PPIG: variants seen among roughly 807,000 people sequenced by gnomAD.
The protein encoded by PPIG is peptidyl-prolyl cis-trans isomerase G.
In PPIG, 26 loss-of-function variants were observed where a neutral mutation model predicts 87.9. The ratio of observed to expected loss-of-function variants is 0.30; its 90% CI spans 0.22 to 0.41. The LOEUF is 0.41. Among genes scored for constraint, PPIG ranks in the 10% least tolerant of loss-of-function variants. PPIG has a pLI of 1.00. For synonymous variants in PPIG, 308 were observed against 276.5 expected (o/e 1.11, Z -1.13); for missense variants, 722 against 879.4 (o/e 0.82, Z 2.26).
rs747678041 is a variant in PPIG, at chr2:169,604,015, T to G, written c.-16-11T>G. 1 of 1,606,442 alleles carries G rather than the reference T, an allele frequency of 6.2e-7. No individual in the cohort carries two copies. The highest frequency in any genetic ancestry group is 8.5e-7 in the Non-Finnish European group (1 of 1,174,302). On this transcript the variant is annotated splice_polypyrimidine_tract_variant and intron_variant, in intron 2 of 13. Transcript: ENST00000260970. ...TTAGTCTGCTTGTCTGAAACTGTAT[T>G]TTACTCACAGATTAAGTATTGGAGC... is the stretch of plus-strand genomic sequence containing the variant.
chr2:169,591,576 A>G (rs1684863272), intron 1 of PPIG, among the ~76,000 whole-genome samples: 1 of 152,130 alleles, frequency 6.6e-6, no homozygotes, highest in Non-Finnish European at 1.5e-5. Flanking sequence ...ATTATGATGA[A>G]AAAAGTAGAT....
Position 169,604,688 on chromosome 2 carries a change from A to G in PPIG, c.136+427A>G, listed in dbSNP as rs376807342. ...CAGGAGTTCCAGACGAGCCTGGCCA[A>G]GATGGTGAAACCCCATCTCTACTAA... On this transcript the variant is annotated intron_variant, in intron 4 of 13. Coordinates refer to ENST00000260970, the MANE Select transcript of PPIG (RefSeq NM_004792.3). Among the ~76,000 whole-genome samples the G allele has an allele frequency of 1.8e-4, 27 of 151,090 alleles. No individual in the cohort carries two copies. In the East Asian group the frequency reaches 4.5e-3, roughly 25 times the overall value.
chr2:169,619,964 A>G (rs531797944), intron 9 of PPIG, among the ~76,000 whole-genome samples: 67 of 152,166 alleles, frequency 4.4e-4, no homozygotes, highest in Non-Finnish European at 1.9e-4. Context: ...CATTCCTTAT[A>G]TATTTTGGAT....
At chr2:169,607,275 A>G (rs1380114565) in intron 6 of PPIG, 127 bp downstream of exon 6, 1 of 557,100 alleles carries the variant, frequency 1.8e-6, no homozygotes, top group Non-Finnish European at 3.0e-6. Flanking sequence ...AACTAATCTG[A>G]AGGTTAATTT....
chr2:169,597,080 A>G (rs958182288), intron 1 of PPIG, among the ~76,000 whole-genome samples: 11 of 152,210 alleles, frequency 7.2e-5, no homozygotes, highest in Admixed American at 4.6e-4. Flanking sequence ...TAGTGCTGCA[A>G]TAAACATAGG....
At chr2:169,613,362 C>A (rs1685539529) in intron 7 of PPIG, among the ~76,000 whole-genome samples, 1 of 152,046 alleles carries the variant, frequency 6.6e-6, no homozygotes. Flanking sequence ...CATGCTTTCA[C>A]CAAAGATTAG....
intron 1 of PPIG, among the ~76,000 whole-genome samples, chr2:169,597,443 G>A (rs958449989): frequency 3.3e-5 from 5 of 151,422 alleles, no homozygotes; most frequent in East Asian, 1.9e-4. Context: ...GCAGGTGCAC[G>A]TCACCATGCC....
intron 6 of PPIG, among the ~76,000 whole-genome samples, chr2:169,607,702 G>A (rs1355829126): frequency 6.6e-6 from 1 of 152,114 alleles, no homozygotes; most frequent in Non-Finnish European, 1.5e-5. Context: ...TACATGATTT[G>A]TTCTTAATAT....
chr2:169,604,327 GTTTTTTTTTTTTTTTTTTT>G, intron 4 of PPIG, 66 bp downstream of exon 4: 1 of 344,820 alleles, frequency 2.9e-6, no homozygotes, highest in East Asian at 5.2e-5. Context: ...TGCTTGCTTG[GTTTTTTTTTTTTTTTTTTT>G]TTTTTTTTTG....
intron 1 of PPIG, among the ~76,000 whole-genome samples, chr2:169,596,709 T>C (rs1228637860): frequency 6.6e-6 from 1 of 152,166 alleles, no homozygotes; most frequent in Admixed American, 6.5e-5. Flanking sequence ...CTGGTCCATT[T>C]TTTTTTCTGA....
chr2:169,599,521 G>A (rs955242886), intron 1 of PPIG, among the ~76,000 whole-genome samples: 1 of 151,966 alleles, frequency 6.6e-6, no homozygotes, highest in Non-Finnish European at 1.5e-5. Context: ...AGATATTCCA[G>A]TACATAGAAT....
chr2:169,585,618 C>A (rs1229066530), intron 1 of PPIG, among the ~76,000 whole-genome samples: 2 of 152,100 alleles, frequency 1.3e-5, no homozygotes, highest in South Asian at 2.1e-4. Flanking sequence ...TATGCACAAT[C>A]GTTTTGGAAA....
At chr2:169,604,291 GTAGTC>G in intron 4 of PPIG, 30 bp downstream of exon 4, 1 of 1,141,092 alleles carries the variant, frequency 8.8e-7, no homozygotes, top group Non-Finnish European at 1.3e-6. Context: ...TGCCCTAATA[GTAGTC>G]TCAGTTGACT....
intron 9 of PPIG, among the ~76,000 whole-genome samples, chr2:169,624,657 G>C (rs969845572): frequency 6.6e-6 from 1 of 152,036 alleles, no homozygotes; most frequent in Non-Finnish European, 1.5e-5. Flanking sequence ...GTGCGTTCTC[G>C]GCTCACTGCA....
chr2:169,589,909 A>G (rs1684812661), intron 1 of PPIG, among the ~76,000 whole-genome samples: 1 of 152,090 alleles, frequency 6.6e-6, no homozygotes, highest in African/African-American at 2.4e-5. Context: ...TGGGAGTTTG[A>G]GACCAGTCTG....
chr2:169,619,454 A>G (rs1009550286), intron 9 of PPIG, among the ~76,000 whole-genome samples: 1 of 152,138 alleles, frequency 6.6e-6, no homozygotes, highest in Non-Finnish European at 1.5e-5. Context: ...TGATCTGTCT[A>G]ATATTGACAG....
chr2:169,635,354 C>T (rs538225248), intron 12 of PPIG, among the ~76,000 whole-genome samples: 9 of 152,184 alleles, frequency 5.9e-5, no homozygotes, highest in Non-Finnish European at 1.2e-4. Flanking sequence ...TAGATTTGGC[C>T]ATGTTTGGTC....
chr2:169,622,068 A>G (rs1355666387), intron 9 of PPIG, among the ~76,000 whole-genome samples: 2 of 152,190 alleles, frequency 1.3e-5, no homozygotes, highest in African/African-American at 2.4e-5. Context: ...TAAAAAATAT[A>G]TAAATAAATA....
chr2:169,621,127 T>G (rs1685736353), intron 9 of PPIG, among the ~76,000 whole-genome samples: 1 of 152,154 alleles, frequency 6.6e-6, no homozygotes, highest in African/African-American at 2.4e-5. Flanking sequence ...CATTAAAGTT[T>G]AAATGTCCTT....
Sources: allele counts gnomAD v4.1 joint callset (sites outside exome capture counted in the v4.1 genomes callset), GRCh38; gene constraint gnomAD v4.1.1; transcripts MANE v1.5; gene names NCBI Gene and HGNC (gene_info 2026-07-23, HGNC 2026-07-21).